ZNF526: variants seen among roughly 807,000 people sequenced by gnomAD.
ZNF526 encodes zinc finger protein 526.
ZNF526 carries 16 observed loss-of-function variants against 32.4 expected under a neutral mutation model. The observed-to-expected ratio is 0.49, with a 90% CI of 0.33 to 0.75. The LOEUF is 0.75. ZNF526 is among the 30% of genes least tolerant of loss of function. The pLI, the probability that ZNF526 is intolerant of heterozygous loss-of-function variation, is 0.02. For synonymous variants in ZNF526, 355 were observed against 363.4 expected (o/e 0.98, Z 0.26); for missense variants, 838 against 920.7 (o/e 0.91, Z 1.16).
rs200018551 is a variant in ZNF526, at chr19:42,226,078, G to C, written c.1675G>C (p.Ala559Pro). The change falls in exon 3 of 3, where the codon GCC (alanine) becomes CCC (proline). Residue 559 changes from alanine (A) to proline (P), a missense_variant. By Grantham distance (27) the Ala-to-Pro change is conservative (BLOSUM62 -1). Transcript: ENST00000301215. ...CTTGCGGCCAGTCGCCTTTGCCCGCGCCCCCCGCCTCCCCATCACTGGTCT... is the reference window on the plus strand; with the variant it reads ...CTTGCGGCCAGTCGCCTTTGCCCGCCCCCCCCGCCTCCCCATCACTGGTCT... ...LHLRPVAFAR[A>P]PRLPITGLYN... 3 of 1,606,794 alleles carry C rather than the reference G, an allele frequency of 1.9e-6. No individual in the cohort carries two copies. Among genetic ancestry groups the C allele is most frequent in the Non-Finnish European group, 2.5e-6 (3 of 1,179,990 alleles).
At position 42,226,506 on chromosome 19, in the gene ZNF526, C is replaced by T. The variant is rs1259158568; in HGVS notation, c.*90C>T. 2.0e-5 allele frequency: 32 copies of T among 1,573,952 alleles called. No homozygotes were observed. Among genetic ancestry groups the T allele is most frequent in the Middle Eastern group, 1.7e-4 (1 of 5,908 alleles). ...AGAGGACCTCCTCTGACAAACTGGT[C>T]TGGTACCCACCATGTGCCAGGATCC... is the stretch of plus-strand genomic sequence containing the variant. On this transcript the variant is annotated 3_prime_UTR_variant, in exon 3 of 3. Coordinates refer to ENST00000301215, the MANE Select transcript of ZNF526 (RefSeq NM_133444.3).
Position 42,224,821 on chromosome 19 carries a change from T to C in ZNF526, c.418T>C (p.Tyr140His). 1 of 1,613,818 alleles carries C rather than the reference T, an allele frequency of 6.2e-7. No individual in the cohort carries two copies. Among genetic ancestry groups the C allele is most frequent in the Non-Finnish European group, 8.5e-7 (1 of 1,179,998 alleles). ...HLRESANQIQ[Y>H]QCWDCQELFP... Reference sequence around the variant, plus strand: ...CCGAGAGTCTGCAAACCAGATCCAATACCAGTGCTGGGACTGCCAGGAGCT... The same window carrying C: ...CCGAGAGTCTGCAAACCAGATCCAACACCAGTGCTGGGACTGCCAGGAGCT... The change falls in exon 3 of 3, where the codon TAC (tyrosine) becomes CAC (histidine). Residue 140 changes from tyrosine (Y) to histidine (H), a missense_variant. Physicochemically the swap from Tyr to His is moderately conservative, Grantham distance 83. Transcript: ENST00000301215.
At chr19:42,224,090 G>C (rs4803529) in intron 1 of ZNF526, 125 bp from the exon 2 acceptor site, 2 of 349,910 alleles carry the variant, frequency 5.7e-6, no homozygotes, top group East Asian at 1.4e-4. Flanking sequence ...ACCCAGGAGC[G>C]AGAGGTTGCA....
In ZNF526 at chr19:42,225,979, C is replaced by T. The variant is rs148933741; in HGVS notation, c.1576C>T (p.Arg526Cys). Residue 526 changes from arginine to cysteine, a missense_variant, in exon 3 of 3, where the codon CGT becomes TGT. Coordinates refer to ENST00000301215, the MANE Select transcript of ZNF526 (RefSeq NM_133444.3). ...SRHQLTHTGA[R>C]PYQCLDCGKR... is the part of the protein sequence containing the mutation. The stretch of plus-strand genomic sequence containing the variant: ...CCACCAGCTGACCCATACGGGTGCA[C>T]GTCCCTACCAATGCCTGGACTGTGG... 5 of 1,613,866 alleles carry T rather than the reference C, an allele frequency of 3.1e-6. No individual in the cohort carries two copies. The African/African-American group carries it at 5.3e-5, about 17-fold the overall frequency.
chr19:42,225,421 G>A lies in ZNF526; in HGVS notation c.1018G>A (p.Val340Ile). ...GTHECTTCSK[V>I]FKKAASLEQH... ...ACATGAGTGTACAACCTGCTCCAAG[G>A]TCTTCAAGAAAGCAGCATCGCTTGA... Residue 340 changes from valine (V) to isoleucine (I), a missense_variant, in exon 3 of 3, where the codon GTC becomes ATC. Val to Ile is a conservative substitution (Grantham distance 29). Transcript: ENST00000301215. 1 of 1,614,104 alleles carries A rather than the reference G, an allele frequency of 6.2e-7. No homozygotes were observed.
rs1380931618 is a variant in ZNF526, at chr19:42,225,226, T to C, written c.823T>C (p.Cys275Arg). 1 of 1,614,138 alleles carries C rather than the reference T, an allele frequency of 6.2e-7. No individual in the cohort carries two copies. The highest frequency in any genetic ancestry group is 1.7e-5 in the Admixed American group (1 of 60,024). The part of the protein sequence containing the change: ...DESTAGWAQG[C>R]GDCPQHQPSA... ...GTCCACAGCTGGCTGGGCTCAGGGC[T>C]GCGGGGACTGTCCCCAGCACCAGCC... The change falls in exon 3 of 3, where the codon TGC becomes CGC. Residue 275 changes from cysteine (C) to arginine (R), a missense_variant. Cys to Arg is a radical substitution (Grantham distance 180, BLOSUM62 -3). Transcript: ENST00000301215.
In ZNF526 at chr19:42,225,403, T is replaced by C; in HGVS notation, c.1000T>C (p.Cys334Arg). Reference sequence around the variant, plus strand: ...GGCCCATGTTGGTGGCACACATGAGTGTACAACCTGCTCCAAGGTCTTCAA... The same window carrying C: ...GGCCCATGTTGGTGGCACACATGAGCGTACAACCTGCTCCAAGGTCTTCAA... ...GRAHVGGTHE[C>R]TTCSKVFKKA... is the part of the protein sequence containing the mutation. The change falls in exon 3 of 3, where the codon TGT becomes CGT. Residue 334 changes from cysteine to arginine, a missense_variant. Transcript: ENST00000301215. 1.9e-6 allele frequency: 3 copies of C among 1,613,948 alleles called. No homozygotes were observed. Among genetic ancestry groups the C allele is most frequent in the Non-Finnish European group, 2.5e-6 (3 of 1,180,012 alleles).
chr19:42,221,624 A>T (rs574801696), intron 1 of ZNF526, among the ~76,000 whole-genome samples: 3 of 151,810 alleles, frequency 2.0e-5, no homozygotes, highest in Admixed American at 6.6e-5. Context: ...AAAGAGAGAA[A>T]CTCTGTCTCA....
chr19:42,220,337 C>G lies in ZNF526; in HGVS notation c.-159C>G, dbSNP rs548505493. ...AGTGAGGGGTCCCACACGCCTGGAGCCGAGGGTCTGTGTCAAGAGCGGCAG... is the reference window on the plus strand; with the variant it reads ...AGTGAGGGGTCCCACACGCCTGGAGGCGAGGGTCTGTGTCAAGAGCGGCAG... On this transcript the variant is annotated 5_prime_UTR_variant, in exon 1 of 3. Transcript: ENST00000301215. The G allele has an allele frequency of 6.6e-6, 1 of 152,570 alleles. No homozygotes were observed. Among genetic ancestry groups the G allele is most frequent in the Admixed American group, 6.5e-5 (1 of 15,294 alleles). The allele number at this position is 152,570 out of a possible 1,614,324, so 9.5% of individuals were successfully genotyped here. A position where few individuals can be genotyped will look rare whatever the true frequency, so the allele number is the denominator to read the frequency against.
At position 42,225,034 on chromosome 19, in the gene ZNF526, G is replaced by A; in HGVS notation, c.631G>A (p.Glu211Lys). The A allele has an allele frequency of 6.2e-7, 1 of 1,614,216 alleles. No individual in the cohort carries two copies. Among genetic ancestry groups the A allele is most frequent in the Non-Finnish European group, 8.5e-7 (1 of 1,180,046 alleles). Residue 211 changes from glutamate (E) to lysine (K), a missense_variant, in exon 3 of 3, where the codon GAG (glutamate) becomes AAG (lysine). Coordinates refer to ENST00000301215, the MANE Select transcript of ZNF526 (RefSeq NM_133444.3). ...CTCTACCCTCTGCGCCACCCCTGAG[G>A]AGTTCTTGGAGCATCAGGGCACCCA... is the stretch of plus-strand genomic sequence containing the variant. ...ECSTLCATPE[E>K]FLEHQGTHFD...
At position 42,224,954 on chromosome 19, in the gene ZNF526, C is replaced by T. The variant is rs760291713; in HGVS notation, c.551C>T (p.Pro184Leu). The T allele has an allele frequency of 4.3e-6, 7 of 1,614,212 alleles. No individual in the cohort carries two copies. The highest frequency in any genetic ancestry group is 1.1e-5 in the South Asian group (1 of 91,082). The change falls in exon 3 of 3, where the codon CCT becomes CTT. Residue 184 changes from proline (P) to leucine (L), a missense_variant. Physicochemically the swap from Pro to Leu is moderately conservative, Grantham distance 98 (BLOSUM62 -3). Transcript: ENST00000301215. ...CCTTTGCCTCCCCCAACACCACTGC[C>T]TCCACCTTCTCCCCCATCCGAAGTC... ...PPPLPPPTPLPPPSPPSEVKM... is the reference protein window; with the variant it reads ...PPPLPPPTPLLPPSPPSEVKM...
rs1054460557 is a variant in ZNF526, at chr19:42,226,666, A to G, written c.*250A>G. Reference sequence around the variant, plus strand: ...GTACCAGGTCACCCAGCTATGCTGCAAAGTGGGTTGGCCAAGGCCCTTTGC... The same window carrying G: ...GTACCAGGTCACCCAGCTATGCTGCGAAGTGGGTTGGCCAAGGCCCTTTGC... On this transcript the variant is annotated 3_prime_UTR_variant, in exon 3 of 3. Coordinates refer to ENST00000301215, the MANE Select transcript of ZNF526 (RefSeq NM_133444.3). 6 of 614,500 alleles carry G rather than the reference A, an allele frequency of 9.8e-6. No homozygotes were observed. In the Admixed American group the frequency reaches 1.3e-4, roughly 14 times the overall value. The allele number at this position is 614,500 out of a possible 1,614,324, so 38.1% of individuals were successfully genotyped here.
chr19:42,225,481 T>C lies in ZNF526; in HGVS notation c.1078T>C (p.Tyr360His). ...GCGGCTGCATCGCGGGGAAGCCCGCTACCTCTGTGTAGACTGTGGCCGCGG... is the reference window on the plus strand; with the variant it reads ...GCGGCTGCATCGCGGGGAAGCCCGCCACCTCTGTGTAGACTGTGGCCGCGG... ...HLRLHRGEAR[Y>H]LCVDCGRGFG... The change falls in exon 3 of 3, where the codon TAC becomes CAC. Residue 360 changes from tyrosine (Y) to histidine (H), a missense_variant. Coordinates refer to ENST00000301215, the MANE Select transcript of ZNF526 (RefSeq NM_133444.3). 3 of 1,614,122 alleles carry C rather than the reference T, an allele frequency of 1.9e-6. No homozygotes were observed. The highest frequency in any genetic ancestry group is 1.7e-6 in the Non-Finnish European group (2 of 1,180,038).
chr19:42,225,723 C>T lies in ZNF526; in HGVS notation c.1320C>T (p.Ala440=). The change falls in exon 3 of 3, where the codon GCC becomes GCT. Residue 440 remains alanine (A), a synonymous_variant. Transcript: ENST00000301215. The part of the protein sequence containing the change: ...TPPPPPPAPP[A]QLPCPQCSKS... ...CACCACCACCCCCTGCCCCACCTGC[C>T]CAGCTGCCCTGCCCACAGTGCTCCA... 6.2e-7 allele frequency: 1 copy of T among 1,612,822 alleles called. No homozygotes were observed. Among genetic ancestry groups the T allele is most frequent in the Non-Finnish European group, 8.5e-7 (1 of 1,179,794 alleles).
rs1304719339 is a variant in ZNF526 at position 42,226,092 on chromosome 19, C to T, written c.1689C>T (p.Pro563=). 1 of 1,606,302 alleles carries T rather than the reference C, an allele frequency of 6.2e-7. No homozygotes were observed. ...PVAFARAPRL[P]ITGLYNKSPY... ...CCTTTGCCCGCGCCCCCCGCCTCCCCATCACTGGTCTCTACAACAAGAGTC... is the reference window on the plus strand; with the variant it reads ...CCTTTGCCCGCGCCCCCCGCCTCCCTATCACTGGTCTCTACAACAAGAGTC... The change falls in exon 3 of 3, where the codon CCC becomes CCT. Residue 563 remains proline, a synonymous_variant. Coordinates refer to ENST00000301215, the MANE Select transcript of ZNF526 (RefSeq NM_133444.3).
intron 1 of ZNF526, among the ~76,000 whole-genome samples, chr19:42,221,192 A>G (rs2036119346): frequency 6.6e-6 from 1 of 152,224 alleles, no homozygotes; most frequent in South Asian, 2.1e-4. Context: ...GACTGTGCAT[A>G]GGGACAGTTA....
Position 42,226,237 on chromosome 19 carries a change from G to T in ZNF526, c.1834G>T (p.Ala612Ser). ...TLQPPRSPSP[A>S]PPPPPEPQQT... ...ACAGCCTCCCAGATCACCATCTCCT[G>T]CCCCACCCCCACCTCCAGAGCCTCA... The change falls in exon 3 of 3, where the codon GCC (alanine) becomes TCC (serine). Residue 612 changes from alanine to serine, a missense_variant. Ala to Ser is a moderately conservative substitution (Grantham distance 99). Coordinates refer to ENST00000301215, the MANE Select transcript of ZNF526 (RefSeq NM_133444.3). 1 of 1,613,060 alleles carries T rather than the reference G, an allele frequency of 6.2e-7. No homozygotes were observed. The highest frequency in any genetic ancestry group is 8.5e-7 in the Non-Finnish European group (1 of 1,180,024).
intron 1 of ZNF526, among the ~76,000 whole-genome samples, chr19:42,222,654 G>T (rs1210841815): frequency 6.6e-6 from 1 of 152,154 alleles, no homozygotes; most frequent in Non-Finnish European, 1.5e-5. Context: ...CTGCTCAGAG[G>T]TTTTGTTGCT....
Position 42,225,687 on chromosome 19 carries a change from G to GCCCCCCCCCCCCCCCCCCCCCCCC in ZNF526, c.1287_1288insCCCCCCCCCCCCCCCCCCCCCCCC (p.Pro429_Thr430insProProProProProProProPro). The GCCCCCCCCCCCCCCCCCCCCCCCC allele has an allele frequency of 3.7e-6, 6 of 1,610,614 alleles. No homozygotes were observed. Among genetic ancestry groups the GCCCCCCCCCCCCCCCCCCCCCCCC allele is most frequent in the South Asian group, 1.1e-5 (1 of 90,956 alleles). Reference sequence around the variant, plus strand: ...CAACAGCTCCCCCAGCTCCAGCGGAGCCCACCCCTCCACCACCACCCCCTG... The same window carrying GCCCCCCCCCCCCCCCCCCCCCCCC: ...CAACAGCTCCCCCAGCTCCAGCGGAGCCCCCCCCCCCCCCCCCCCCCCCCCCCACCCCTCCACCACCACCCCCTG... On this transcript the variant is annotated inframe_insertion, in exon 3 of 3. Coordinates refer to ENST00000301215, the MANE Select transcript of ZNF526 (RefSeq NM_133444.3).
Sources: gnomAD v4.1 joint callset for allele counts (sites outside exome capture counted in the v4.1 genomes callset) on GRCh38, gnomAD v4.1.1 for gene constraint, MANE v1.5 for transcripts, NCBI Gene and HGNC (gene_info 2026-07-23, HGNC 2026-07-21) for gene names.